The following RPGRIP1L variants were observed in gnomAD, a reference collection of about 807,000 sequenced individuals.
The protein encoded by RPGRIP1L is protein fantom.
Under a neutral mutation model 160.4 loss-of-function variants are expected in RPGRIP1L, and 131 were observed. The ratio of observed to expected loss-of-function variants is 0.82; its 90% CI spans 0.71 to 0.94. The LOEUF is 0.94. RPGRIP1L is among the 40% of genes least tolerant of loss of function. RPGRIP1L has a pLI of 0.00. For missense variants in RPGRIP1L, 1,522 were observed against 1,535.8 expected (o/e 0.99, Z 0.15); for synonymous variants, 510 against 515.8 (o/e 0.99, Z 0.15).
intron 15 of RPGRIP1L, among the ~76,000 whole-genome samples, chr16:53,650,011 T>C (rs1277801065): frequency 1.3e-5 from 2 of 152,192 alleles, no homozygotes; most frequent in Non-Finnish European, 2.9e-5. Flanking sequence ...CTCTCCTACT[T>C]TATCAATTTT....
intron 14 of RPGRIP1L, chr16:53,653,260 C>T (rs893846400): frequency 6.5e-6 from 6 of 926,040 alleles, no homozygotes; most frequent in African/African-American, 1.8e-5. Flanking sequence ...AGAAGAAAAG[C>T]GCTCTTAATG....
chr16:53,622,139 C>T lies in RPGRIP1L; in HGVS notation c.3432+80G>A, dbSNP rs1345959235. ...CAGCACTTTGGGAGGCAGAGGTGGG[C>T]GGATCATGAGGTCGGGAGTTTGAGA... On this transcript the variant is annotated intron_variant, in intron 23 of 26. Transcript: ENST00000647211. The T allele has an allele frequency of 2.5e-5, 11 of 436,806 alleles. 1 individual carries two copies. Among genetic ancestry groups the T allele is most frequent in the Middle Eastern group, 1.3e-3 (2 of 1,556 alleles). The allele number at this position is 436,806 out of a possible 1,614,324, so 27.1% of individuals were successfully genotyped here. A position where few individuals can be genotyped will look rare whatever the true frequency, so the allele number is the denominator to read the frequency against.
At chr16:53,663,189 T>TA (rs922136716) in intron 10 of RPGRIP1L, among the ~76,000 whole-genome samples, 56 of 151,686 alleles carry the variant, frequency 3.7e-4, no homozygotes, top group African/African-American at 1.3e-3. Context: ...TGTTTATTAT[T>TA]AAAAAAAATT....
chr16:53,679,969 GAGTTAAATTCTTCCCACTCTTCAA>G (rs542184303), intron 6 of RPGRIP1L, among the ~76,000 whole-genome samples: 85 of 152,230 alleles, frequency 5.6e-4, no homozygotes, highest in Non-Finnish European at 1.0e-3. Context: ...CTCGCTCTAA[GAGTTAAATTCTTCCCACTCTTCAA>G]AGTTAAATTC....
intron 15 of RPGRIP1L, 97 bp from the exon 16 acceptor site, chr16:53,649,212 C>G (rs1427742914): frequency 3.0e-6 from 3 of 989,358 alleles, no homozygotes; most frequent in African/African-American, 3.2e-5. Flanking sequence ...TAAAACTATA[C>G]ATTTTATGCT....
intron 2 of RPGRIP1L, among the ~76,000 whole-genome samples, chr16:53,696,848 G>T (rs554853025): frequency 2.0e-5 from 3 of 152,194 alleles, no homozygotes; most frequent in African/African-American, 7.2e-5. Context: ...TTTTAAGAAC[G>T]TTTATACTCT....
intron 2 of RPGRIP1L, among the ~76,000 whole-genome samples, chr16:53,697,509 A>G (rs910692154): frequency 2.2e-4 from 33 of 151,674 alleles, no homozygotes; most frequent in African/African-American, 7.2e-4. Flanking sequence ...TTGCAGGCGC[A>G]CGCCGCCACG....
At chr16:53,671,667 TGA>T in intron 8 of RPGRIP1L, 84 bp from the exon 9 acceptor site, 1 of 692,522 alleles carries the variant, frequency 1.4e-6, no homozygotes, top group Non-Finnish European at 2.4e-6. Flanking sequence ...AAACTCTATA[TGA>T]GAGAAGGTTA....
At position 53,601,515 on chromosome 16, in the gene RPGRIP1L, C is replaced by T. The variant is rs891217128; in HGVS notation, c.*561G>A. On this transcript the variant is annotated 3_prime_UTR_variant, in exon 27 of 27. Transcript: ENST00000647211. Reference sequence around the variant, plus strand: ...GAAACTGCATGCATCAAAGAAAATGCATACTGAGCTTTAATGTGCATAAAA... The same window carrying T: ...GAAACTGCATGCATCAAAGAAAATGTATACTGAGCTTTAATGTGCATAAAA... The T allele has an allele frequency of 1.3e-5, 2 of 153,412 alleles. No individual in the cohort carries two copies. Among genetic ancestry groups the T allele is most frequent in the African/African-American group, 2.4e-5 (1 of 41,426 alleles). The allele number at this position is 153,412 out of a possible 1,614,324, so 9.5% of individuals were successfully genotyped here.
chr16:53,654,579 T>G (rs1008931649), intron 14 of RPGRIP1L, among the ~76,000 whole-genome samples: 2 of 152,212 alleles, frequency 1.3e-5, no homozygotes, highest in Non-Finnish European at 2.9e-5. Flanking sequence ...TTTACACTCT[T>G]CATAGTAAAA....
intron 10 of RPGRIP1L, chr16:53,659,187 G>A (rs1967547261): frequency 2.1e-6 from 2 of 959,764 alleles, no homozygotes; most frequent in Admixed American, 1.1e-4. Flanking sequence ...GAGAAAATGT[G>A]TTTCAAAATC....
chr16:53,640,937 G>A (rs892866617), intron 19 of RPGRIP1L, 96 bp downstream of exon 19: 27 of 864,800 alleles, frequency 3.1e-5, no homozygotes, highest in Non-Finnish European at 4.9e-5. Context: ...TTATTCACCT[G>A]TTTCCATTTA....
At chr16:53,607,116 T>G (rs1209035227) in intron 25 of RPGRIP1L, among the ~76,000 whole-genome samples, 1 of 147,952 alleles carries the variant, frequency 6.8e-6, no homozygotes, top group Non-Finnish European at 1.5e-5. Context: ...TTCCTACTGC[T>G]TAGCTGTGTG....
At chr16:53,653,353 CTCTT>C (rs1598332883) in intron 14 of RPGRIP1L, 1 of 1,067,104 alleles carries the variant, frequency 9.4e-7, no homozygotes, top group South Asian at 3.2e-5. Flanking sequence ...AAGTCAGTCT[CTCTT>C]TCTGCTGCCT....
At chr16:53,631,677 A>G (rs917995049) in intron 22 of RPGRIP1L, among the ~76,000 whole-genome samples, 1 of 143,032 alleles carries the variant, frequency 7.0e-6, no homozygotes, top group African/African-American at 2.5e-5. Context: ...TCAAATTAAT[A>G]AAATATTCAT....
chr16:53,602,106 G>A lies in RPGRIP1L; in HGVS notation c.3918C>T (p.Tyr1306=). The change falls in exon 27 of 27, where the codon TAC becomes TAT. Residue 1306 remains tyrosine (Y), a synonymous_variant. Transcript: ENST00000647211. ...CCTCCAAGTCATCTCTGTATTGCTT[G>A]TAGACAGACTGGAGGGCATGGAGAG... ...VEALHALQSV[Y]KQYRDDLEA The A allele has an allele frequency of 6.2e-7, 1 of 1,613,242 alleles. No homozygotes were observed. The highest frequency in any genetic ancestry group is 1.1e-5 in the South Asian group (1 of 91,034).
chr16:53,648,263 A>T (rs182595665), intron 16 of RPGRIP1L, among the ~76,000 whole-genome samples: 11 of 152,266 alleles, frequency 7.2e-5, no homozygotes, highest in African/African-American at 2.4e-4. Context: ...ACATTGGGAA[A>T]TGCCACCCTG....
intron 21 of RPGRIP1L, among the ~76,000 whole-genome samples, chr16:53,636,927 A>C (rs1443299647): frequency 6.7e-6 from 1 of 149,102 alleles, no homozygotes. Flanking sequence ...ACACACAATT[A>C]AACTGCAATA....
At chr16:53,668,644 C>G (rs1052872675) in intron 9 of RPGRIP1L, among the ~76,000 whole-genome samples, 1 of 152,128 alleles carries the variant, frequency 6.6e-6, no homozygotes, top group East Asian at 1.9e-4. Context: ...TTGCATTTAT[C>G]AGTTACATGG....
Sources: allele counts gnomAD v4.1 joint callset (sites outside exome capture counted in the v4.1 genomes callset), GRCh38; gene constraint gnomAD v4.1.1; transcripts MANE v1.5; gene names NCBI Gene and HGNC (gene_info 2026-07-23, HGNC 2026-07-21).